Variants in RIMS1 observed in about 807,000 individuals in gnomAD.
The protein encoded by RIMS1 is regulating synaptic membrane exocytosis 1.
RIMS1 carries 83 observed loss-of-function variants against 214.1 expected under a neutral mutation model. The observed-to-expected ratio is 0.39, with a 90% CI of 0.32 to 0.47. The LOEUF (loss-of-function observed/expected upper bound fraction) is 0.47. RIMS1 is among the 20% of genes least tolerant of loss of function. The pLI, the probability that RIMS1 is intolerant of heterozygous loss-of-function variation, is 0.99. For synonymous variants in RIMS1, 793 were observed against 786.8 expected, an observed-to-expected ratio of 1.01 and a Z score of -0.13; for missense variants, 2,050 against 2,161.8, an observed-to-expected ratio of 0.95 and a Z score of 1.03.
At chr6:72,352,382 CAGAA>C (rs1237596634) in intron 29 of RIMS1, among the ~76,000 whole-genome samples, 2 of 152,100 alleles carry the variant, frequency 1.3e-5, no homozygotes, top group Non-Finnish European at 1.5e-5. Flanking sequence ...AACTAAAACT[CAGAA>C]AGATTAATTT....
intron 2 of RIMS1, among the ~76,000 whole-genome samples, chr6:72,020,314 C>A (rs1814217909): frequency 6.6e-6 from 1 of 152,176 alleles, no homozygotes; most frequent in Non-Finnish European, 1.5e-5. Context: ...AAATAGTCTG[C>A]ACAATAGCCG....
intron 29 of RIMS1, among the ~76,000 whole-genome samples, chr6:72,377,554 T>G (rs1249468532): frequency 6.6e-6 from 1 of 152,090 alleles, no homozygotes; most frequent in Non-Finnish European, 1.5e-5. Flanking sequence ...AGCAAGACCC[T>G]TGAAAGCAAG....
chr6:72,058,261 A>C (rs1426932444), intron 2 of RIMS1, among the ~76,000 whole-genome samples: 1 of 152,240 alleles, frequency 6.6e-6, no homozygotes. Flanking sequence ...TGAAACTCTC[A>C]GACTAGCCTC....
At chr6:72,340,381 T>A (rs866988431) in intron 29 of RIMS1, among the ~76,000 whole-genome samples, 1 of 151,922 alleles carries the variant, frequency 6.6e-6, no homozygotes, top group African/African-American at 2.4e-5. Context: ...CTGAATGGTA[T>A]TGCCTAGGTT....
chr6:72,398,993 T>C lies in RIMS1; in HGVS notation c.4759T>C (p.Cys1587Arg). Residue 1587 changes from cysteine (C) to arginine (R), a missense_variant, in exon 33 of 34, where the codon TGT (cysteine) becomes CGT (arginine). By Grantham distance (180) the Cys-to-Arg change is radical. Transcript: ENST00000521978. ...AGTATATCTTTTGGAAAATGGGGCC[T>C]GTATAGCCAAGAAGAAGACAAGAAT... ...VKVYLLENGA[C>R]IAKKKTRIAR... The C allele has an allele frequency of 2.5e-6, 4 of 1,608,338 alleles. No homozygotes were observed. The highest frequency in any genetic ancestry group is 3.4e-6 in the Non-Finnish European group (4 of 1,175,462).
chr6:72,358,876 G>T (rs887703792), intron 29 of RIMS1, among the ~76,000 whole-genome samples: 7 of 152,144 alleles, frequency 4.6e-5, no homozygotes, highest in African/African-American at 1.7e-4. Context: ...AAGTCCATAG[G>T]TAGGTCTTCA....
chr6:71,928,713 CA>C (rs1384995563), intron 1 of RIMS1, among the ~76,000 whole-genome samples: 1 of 152,038 alleles, frequency 6.6e-6, no homozygotes, highest in African/African-American at 2.4e-5. Context: ...CTGTGTTTCT[CA>C]ATCTTGACTG....
intron 4 of RIMS1, among the ~76,000 whole-genome samples, chr6:72,129,553 C>T (rs763580243): frequency 5.9e-5 from 9 of 152,010 alleles, no homozygotes; most frequent in Non-Finnish European, 1.3e-4. Context: ...AAATTTCTAA[C>T]GTCAGATTAT....
At chr6:72,244,678 T>A (rs1421601345) in intron 10 of RIMS1, among the ~76,000 whole-genome samples, 1 of 151,774 alleles carries the variant, frequency 6.6e-6, no homozygotes, top group Non-Finnish European at 1.5e-5. Flanking sequence ...TGTATAGTCA[T>A]ACAAAAATAT....
chr6:71,969,046 G>A lies in RIMS1; in HGVS notation c.228G>A (p.Gln76=). 1.2e-6 allele frequency: 2 copies of A among 1,613,986 alleles called. No individual in the cohort carries two copies. The highest frequency in any genetic ancestry group is 2.2e-5 in the East Asian group (1 of 44,886). ...AAACACCAAGAAATGCTGAAAACCA[G>A]CCCCACCAACCTTCACCGTGAGTAT... ...ACKTPRNAEN[Q]PHQPSPRLHQ... The change falls in exon 2 of 34, where the codon CAG becomes CAA. Residue 76 remains glutamine, a synonymous_variant. Transcript: ENST00000521978.
At chr6:71,942,908 A>G (rs907737659) in intron 1 of RIMS1, among the ~76,000 whole-genome samples, 1 of 152,110 alleles carries the variant, frequency 6.6e-6, no homozygotes. Flanking sequence ...ATTTATATAA[A>G]TATTAAAACT....
At chr6:72,131,068 A>T (rs995474381) in intron 4 of RIMS1, among the ~76,000 whole-genome samples, 2 of 152,164 alleles carry the variant, frequency 1.3e-5, no homozygotes, top group African/African-American at 4.8e-5. Context: ...TTCTTAATAT[A>T]TCTTTTTGAC....
chr6:72,277,965 C>T (rs1272837456), intron 23 of RIMS1, among the ~76,000 whole-genome samples: 1 of 151,948 alleles, frequency 6.6e-6, no homozygotes, highest in East Asian at 1.9e-4. Context: ...TTTAATCAAT[C>T]GTCTTTAAGA....
At chr6:72,214,599 T>C (rs2154015784) in intron 6 of RIMS1, among the ~76,000 whole-genome samples, 1 of 152,198 alleles carries the variant, frequency 6.6e-6, no homozygotes, top group African/African-American at 2.4e-5. Flanking sequence ...AGAAAAGAAA[T>C]AGGAATAGAG....
At chr6:72,379,224 T>A (rs1005435231) in intron 29 of RIMS1, among the ~76,000 whole-genome samples, 7 of 152,226 alleles carry the variant, frequency 4.6e-5, no homozygotes, top group African/African-American at 1.7e-4. Flanking sequence ...TACATAATAG[T>A]CCCAGTGGTC....
chr6:71,940,424 G>A (rs1438674882), intron 1 of RIMS1, among the ~76,000 whole-genome samples: 1 of 152,164 alleles, frequency 6.6e-6, no homozygotes, highest in Non-Finnish European at 1.5e-5. Flanking sequence ...TGCATGGATG[G>A]AAGAGTGAAG....
At chr6:72,090,209 G>A (rs1049848697) in intron 2 of RIMS1, among the ~76,000 whole-genome samples, 2 of 151,992 alleles carry the variant, frequency 1.3e-5, no homozygotes, top group African/African-American at 2.4e-5. Context: ...GTCTAGCTTT[G>A]TTGCCCAGGC....
At chr6:72,178,810 GTTTAT>G (rs1364105780) in intron 4 of RIMS1, among the ~76,000 whole-genome samples, 15 of 152,226 alleles carry the variant, frequency 9.9e-5, no homozygotes, top group Middle Eastern at 3.4e-3. Flanking sequence ...CAGACATATA[GTTTAT>G]TTTAAGTGGT....
chr6:72,152,220 A>G (rs1350932088), intron 4 of RIMS1, among the ~76,000 whole-genome samples: 2 of 152,160 alleles, frequency 1.3e-5, no homozygotes, highest in African/African-American at 2.4e-5. Context: ...CATTTTCTTA[A>G]CCAACATTTT....
Sources: allele counts gnomAD v4.1 joint callset (sites outside exome capture counted in the v4.1 genomes callset), GRCh38; gene constraint gnomAD v4.1.1; transcripts MANE v1.5; gene names NCBI Gene and HGNC (gene_info 2026-07-23, HGNC 2026-07-21).